Variants in ALDH1A1 observed in about 807,000 individuals in gnomAD.
The protein encoded by ALDH1A1 is aldehyde dehydrogenase 1A1.
A neutral mutation model predicts 62.1 loss-of-function variants in ALDH1A1; 19 were observed. That is an observed-to-expected ratio of 0.31 (90% CI 0.21 to 0.45). The LOEUF (loss-of-function observed/expected upper bound fraction) is 0.45, where lower values mean the gene tolerates loss of function less well. Among genes scored for constraint, ALDH1A1 ranks in the 20% least tolerant of loss-of-function variants. The pLI is 1.00. For missense variants in ALDH1A1, 521 were observed against 607.1 expected (o/e 0.86, Z 1.49); for synonymous variants, 231 against 215.9 (o/e 1.07, Z -0.61).
At chr9:72,908,581 AAGAAAGAAAGAAAG>A (rs1829927250) in intron 11 of ALDH1A1, among the ~76,000 whole-genome samples, 13 of 133,602 alleles carry the variant, frequency 9.7e-5, no homozygotes, top group African/African-American at 3.4e-4. Context: ...GAAAGAAAGA[AAGAAAGAAAGAAAG>A]AAAGAAAGAA....
chr9:72,948,486 G>A (rs1262006022), intron 1 of ALDH1A1, among the ~76,000 whole-genome samples: 1 of 151,782 alleles, frequency 6.6e-6, no homozygotes, highest in Non-Finnish European at 1.5e-5. Context: ...AGTTCTTTGA[G>A]CATAACATGC....
chr9:72,935,256 A>T (rs1830334191), intron 2 of ALDH1A1, among the ~76,000 whole-genome samples: 1 of 152,110 alleles, frequency 6.6e-6, no homozygotes, highest in African/African-American at 2.4e-5. Context: ...CAGGGATATA[A>T]TTTTTTAATT....
At chr9:72,934,116 T>C (rs1315415543) in intron 2 of ALDH1A1, among the ~76,000 whole-genome samples, 1 of 152,128 alleles carries the variant, frequency 6.6e-6, no homozygotes, top group African/African-American at 2.4e-5. Flanking sequence ...GAGATGGGGT[T>C]TTGCCATGTT....
intron 10 of ALDH1A1, 53 bp from the exon 11 acceptor site, chr9:72,909,812 T>A: frequency 6.9e-7 from 1 of 1,448,200 alleles, no homozygotes; most frequent in Non-Finnish European, 9.4e-7. Context: ...TGAAATATTT[T>A]AAATGATATC....
chr9:72,916,978 C>T lies in ALDH1A1; in HGVS notation c.977G>A (p.Arg326Gln), dbSNP rs575056227. 29 of 1,613,610 alleles carry T rather than the reference C, an allele frequency of 1.8e-5. No individual in the cohort carries two copies. The highest frequency in any genetic ancestry group is 8.3e-5 in the Admixed American group (5 of 59,968). Residue 326 changes from arginine (R) to glutamine (Q), a missense_variant, in exon 9 of 13, where the codon CGG becomes CAG. Coordinates refer to ENST00000297785, the MANE Select transcript of ALDH1A1 (RefSeq NM_000689.5). ...ATTTCCAAGGATATACTTCTTAGCC[C>T]GCTCAACACTCCTTCGAACAAACTC... ...YDEFVRRSVE[R>Q]AKKYILGNPL...
At chr9:72,909,843 G>A (rs540204649) in intron 10 of ALDH1A1, 84 bp from the exon 11 acceptor site, 60 of 1,191,626 alleles carry the variant, frequency 5.0e-5, no homozygotes, top group South Asian at 1.3e-4. Context: ...TTTCCTACAC[G>A]CTATCCTAAA....
intron 7 of ALDH1A1, among the ~76,000 whole-genome samples, chr9:72,921,503 C>CTTTTTTTTTTTTTTTTTTTTTTT (rs11327072): frequency 1.8e-5 from 2 of 109,504 alleles, no homozygotes; most frequent in Non-Finnish European, 3.6e-5. Context: ...ACATTTAATT[C>CTTTTTTTTTTTTTTTTTTTTTTT]TTTTTTTTTT....
At chr9:72,925,965 A>G (rs934899974) in intron 5 of ALDH1A1, among the ~76,000 whole-genome samples, 9 of 152,220 alleles carry the variant, frequency 5.9e-5, no homozygotes, top group African/African-American at 2.2e-4. Context: ...CTCCTTCTCC[A>G]TAAGTCATTT....
At chr9:72,941,236 T>C (rs972295378) in intron 1 of ALDH1A1, among the ~76,000 whole-genome samples, 1 of 152,142 alleles carries the variant, frequency 6.6e-6, no homozygotes, top group Non-Finnish European at 1.5e-5. Context: ...TTACTGGATA[T>C]CTAAAGATAA....
At chr9:72,944,847 C>A (rs1192802147) in intron 1 of ALDH1A1, among the ~76,000 whole-genome samples, 2 of 151,972 alleles carry the variant, frequency 1.3e-5, no homozygotes, top group African/African-American at 4.8e-5. Flanking sequence ...AGACATCAAC[C>A]TTCTGTTTGA....
chr9:72,945,085 A>G (rs8187889), intron 1 of ALDH1A1, among the ~76,000 whole-genome samples: 6,034 of 152,232 alleles, frequency 0.04, 175 homozygotes, highest in Non-Finnish European at 0.058. Context: ...TGTGAAAAAA[A>G]TTGCCTTTCC....
chr9:72,918,651 T>A (rs1588135139), intron 8 of ALDH1A1, 69 bp downstream of exon 8: 1 of 390,826 alleles, frequency 2.6e-6, no homozygotes, highest in Non-Finnish European at 4.6e-6. Flanking sequence ...AAGTTCAAGT[T>A]CACTTTTGGC....
intron 6 of ALDH1A1, among the ~76,000 whole-genome samples, chr9:72,924,919 T>G (rs1238727200): frequency 2.6e-5 from 4 of 152,238 alleles, no homozygotes; most frequent in Non-Finnish European, 4.4e-5. Flanking sequence ...AGATAGCTGA[T>G]GAAAATGTTT....
chr9:72,904,594 G>A (rs990962148), intron 12 of ALDH1A1, among the ~76,000 whole-genome samples: 1 of 152,040 alleles, frequency 6.6e-6, no homozygotes, highest in African/African-American at 2.4e-5. Flanking sequence ...GATTTCCAGT[G>A]GGGTCAGAAC....
In ALDH1A1 at chr9:72,927,120, A is replaced by T. The variant is rs1830221609; in HGVS notation, c.500T>A (p.Ile167Asn). ...HEPIGVCGQI[I>N]PWNFPLVMLI... ...TTATATAGGAGAAAAGCTTACAGGAATGATTTGGCCACATACACCAATAGG... is the reference window on the plus strand; with the variant it reads ...TTATATAGGAGAAAAGCTTACAGGATTGATTTGGCCACATACACCAATAGG... The change falls in exon 5 of 13, where the codon ATT (isoleucine) becomes AAT (asparagine). Residue 167 changes from isoleucine (I) to asparagine (N), a missense_variant. Coordinates refer to ENST00000297785, the MANE Select transcript of ALDH1A1 (RefSeq NM_000689.5). 1 of 1,604,098 alleles carries T rather than the reference A, an allele frequency of 6.2e-7. No homozygotes were observed. Among genetic ancestry groups the T allele is most frequent in the African/African-American group, 1.3e-5 (1 of 74,238 alleles).
chr9:72,921,624 C>T (rs1382291979), intron 7 of ALDH1A1, among the ~76,000 whole-genome samples: 1 of 148,708 alleles, frequency 6.7e-6, no homozygotes. Context: ...GCTGCACCCA[C>T]TAATGTGTCA....
intron 8 of ALDH1A1, among the ~76,000 whole-genome samples, chr9:72,918,306 C>A (rs1366610610): frequency 6.6e-6 from 1 of 152,034 alleles, no homozygotes; most frequent in Non-Finnish European, 1.5e-5. Context: ...GTGTATGACC[C>A]AGAGTGAAGG....
rs758998877 is a variant in ALDH1A1 at position 72,906,031 on chromosome 9, C to T, written c.1360G>A (p.Val454Met). The change falls in exon 12 of 13, where the codon GTG (valine) becomes ATG (methionine). Residue 454 changes from valine to methionine, a missense_variant and splice_region_variant. Coordinates refer to ENST00000297785, the MANE Select transcript of ALDH1A1 (RefSeq NM_000689.5). ...GCACTTACCACGCCATAGCAATTCA[C>T]CCTGAAGGAAAAGAAAAGTGCATTA... is the stretch of plus-strand genomic sequence containing the variant. ...SSALQAGTVWVNCYGVVSAQC... is the reference protein window; with the variant it reads ...SSALQAGTVWMNCYGVVSAQC... 1.2e-6 allele frequency: 2 copies of T among 1,609,560 alleles called. No individual in the cohort carries two copies. The highest frequency in any genetic ancestry group is 1.7e-6 in the Non-Finnish European group (2 of 1,177,690).
At chr9:72,915,365 C>T (rs1455186074) in intron 9 of ALDH1A1, among the ~76,000 whole-genome samples, 2 of 152,112 alleles carry the variant, frequency 1.3e-5, no homozygotes, top group East Asian at 1.9e-4. Context: ...GTATTCTCTC[C>T]TCTCTTCAGA....
Sources: allele counts gnomAD v4.1 joint callset (sites outside exome capture counted in the v4.1 genomes callset), GRCh38; gene constraint gnomAD v4.1.1; transcripts MANE v1.5; gene names NCBI Gene and HGNC (gene_info 2026-07-23, HGNC 2026-07-21).